Variants in DHX36 observed in about 807,000 individuals in gnomAD.
DHX36 encodes DEAH-box helicase 36, also known as ATP-dependent DNA/RNA helicase DHX36.
In DHX36, 50 loss-of-function variants were observed where a neutral mutation model predicts 139.0. The ratio of observed to expected loss-of-function variants is 0.36; its 90% CI spans 0.29 to 0.46. DHX36 has a LOEUF of 0.46. Among genes scored for constraint, DHX36 ranks in the 20% least tolerant of loss-of-function variants. DHX36 has a pLI of 1.00. For synonymous variants in DHX36, 425 were observed against 401.9 expected, an observed-to-expected ratio of 1.06 and a Z score of -0.69; for missense variants, 1,024 against 1,211.3, an observed-to-expected ratio of 0.85 and a Z score of 2.29.
At chr3:154,310,832 T>TATATGTATATAC (rs1553759645) in intron 4 of DHX36, among the ~76,000 whole-genome samples, 3 of 53,190 alleles carry the variant, frequency 5.6e-5, no homozygotes, top group African/African-American at 2.1e-4. Flanking sequence ...TATATATATA[T>TATATGTATATAC]ATATATATAT....
At chr3:154,300,570 TG>T (rs754870074) in intron 11 of DHX36, 23 bp downstream of exon 11, 35 of 1,572,620 alleles carry the variant, frequency 2.2e-5, no homozygotes, top group African/African-American at 5.4e-5. Context: ...TTATGTTAAC[TG>T]AAGAAAGAAA....
intron 17 of DHX36, among the ~76,000 whole-genome samples, chr3:154,286,172 A>AC (rs1202067897): frequency 1.7e-5 from 2 of 116,690 alleles, no homozygotes; most frequent in Non-Finnish European, 3.7e-5. Flanking sequence ...ACACCAAAAA[A>AC]AAAAAAAAAA....
At chr3:154,282,809 C>T (rs529540933) in intron 20 of DHX36, among the ~76,000 whole-genome samples, 2 of 152,254 alleles carry the variant, frequency 1.3e-5, no homozygotes, top group East Asian at 3.9e-4. Flanking sequence ...TTCTGTTTTA[C>T]AAATGCTTGC....
At chr3:154,299,360 A>T (rs1222504343) in intron 12 of DHX36, among the ~76,000 whole-genome samples, 2 of 145,556 alleles carry the variant, frequency 1.4e-5, no homozygotes, top group African/African-American at 4.9e-5. Flanking sequence ...TGCTGAAAAT[A>T]CTCTAAATTT....
chr3:154,285,807 A>AT (rs538580296), intron 17 of DHX36, among the ~76,000 whole-genome samples: 3,172 of 147,294 alleles, frequency 0.022, 102 homozygotes, highest in African/African-American at 0.073. Flanking sequence ...AATACACTTA[A>AT]TTTTTTTTTT....
At chr3:154,293,548 C>A (rs1711909262) in intron 14 of DHX36, among the ~76,000 whole-genome samples, 200 bp downstream of exon 14, 1 of 152,122 alleles carries the variant, frequency 6.6e-6, no homozygotes, top group African/African-American at 2.4e-5. Flanking sequence ...TGCCACTGCA[C>A]TGCAGCATGG....
At position 154,315,259 on chromosome 3, in the gene DHX36, A is replaced by G. The variant is rs1446656607; in HGVS notation, c.390T>C (p.Thr130=). 1.9e-6 allele frequency: 3 copies of G among 1,612,318 alleles called. No individual in the cohort carries two copies. The highest frequency in any genetic ancestry group is 1.3e-5 in the African/African-American group (1 of 74,694). The change falls in exon 3 of 25, where the codon ACT becomes ACC. Residue 130 remains threonine, a synonymous_variant. Transcript: ENST00000496811. The stretch of plus-strand genomic sequence containing the variant: ...TGTTCTCTGAGCATGGTGTGTTCTT[A>G]GTAGAAACTTCAGTACCGTATCTGT... ...EDHGYGTEVS[T]KNTPCSENKL... is the part of the protein sequence containing the mutation.
rs35550732 is a variant in DHX36 at position 154,275,978 on chromosome 3, G to GTATA, written c.*189_*192dup. 1,834 of 311,296 alleles carry GTATA rather than the reference G, an allele frequency of 5.9e-3. 34 individuals carry two copies. The highest frequency in any genetic ancestry group is 0.037 in the African/African-American group (1,621 of 44,270). 19.3% of individuals were successfully genotyped at this position (311,296 alleles called of 1,614,324 possible). On this transcript the variant is annotated 3_prime_UTR_variant, in exon 25 of 25. Transcript: ENST00000496811. ...GATCAGAGAACATATTGCTTTTATG[G>GTATA]TATATATATATATATATATATATCT...
chr3:154,311,886 T>C (rs987485050), intron 3 of DHX36: 24 of 426,204 alleles, frequency 5.6e-5, no homozygotes, highest in Middle Eastern at 1.2e-3. Context: ...TCCAGCAAAA[T>C]AGAGACAATG....
chr3:154,284,461 A>C, intron 19 of DHX36, 122 bp downstream of exon 19: 1 of 807,672 alleles, frequency 1.2e-6, no homozygotes, highest in South Asian at 1.9e-5. Flanking sequence ...GATTACAGGC[A>C]TGAGCCACCG....
At chr3:154,302,921 A>G (rs1365781029) in intron 9 of DHX36, among the ~76,000 whole-genome samples, 1 of 152,150 alleles carries the variant, frequency 6.6e-6, no homozygotes, top group African/African-American at 2.4e-5. Flanking sequence ...TACTAAAAAT[A>G]CAAAAATTAG....
At chr3:154,292,427 G>T in intron 15 of DHX36, 124 bp downstream of exon 15, 2 of 1,317,792 alleles carry the variant, frequency 1.5e-6, no homozygotes, top group Non-Finnish European at 2.1e-6. Context: ...AAAATGTTTT[G>T]CAATAAGCTC....
chr3:154,315,015 G>T, intron 3 of DHX36, 31 bp downstream of exon 3: 2 of 1,482,174 alleles, frequency 1.3e-6, no homozygotes, highest in South Asian at 2.4e-5. Context: ...AGAAAAAAAT[G>T]ACAAAATATT....
rs935006832 is a variant in DHX36 at position 154,324,357 on chromosome 3, C to A, written c.60G>T (p.Gly20=). ...GRDGGPRSSG[G]GYGGGPAGGH... is the part of the protein sequence containing the mutation. The stretch of plus-strand genomic sequence containing the variant: ...CCCCTGCTGGCCCCCCTCCATAGCC[C>A]CCACCGGAGCTGCGGGGACCCCCAT... Residue 20 remains glycine, a synonymous_variant, in exon 1 of 25, where the codon GGG becomes GGT. Coordinates refer to ENST00000496811, the MANE Select transcript of DHX36 (RefSeq NM_020865.3). The A allele has an allele frequency of 1.9e-6, 3 of 1,598,538 alleles. No individual in the cohort carries two copies. The highest frequency in any genetic ancestry group is 2.6e-6 in the Non-Finnish European group (3 of 1,171,012).
At chr3:154,308,826 T>C (rs1337652375) in intron 5 of DHX36, among the ~76,000 whole-genome samples, 1 of 152,126 alleles carries the variant, frequency 6.6e-6, no homozygotes, top group Non-Finnish European at 1.5e-5. Context: ...ATTTTGGACT[T>C]GACAAACCAG....
At chr3:154,317,028 A>G (rs1236515260) in intron 1 of DHX36, among the ~76,000 whole-genome samples, 1 of 152,086 alleles carries the variant, frequency 6.6e-6, no homozygotes, top group Non-Finnish European at 1.5e-5. Context: ...AGGTAAAAGT[A>G]TAAATGGAAA....
chr3:154,296,206 G>T (rs1310013325), intron 12 of DHX36, among the ~76,000 whole-genome samples: 1 of 152,192 alleles, frequency 6.6e-6, no homozygotes, highest in Non-Finnish European at 1.5e-5. Flanking sequence ...CAGGCGCGGT[G>T]GCTCATGCCT....
At chr3:154,279,469 A>G (rs1719263457) in intron 22 of DHX36, 2 of 152,214 alleles carry the variant, frequency 1.3e-5, no homozygotes. Context: ...AGGTACACAC[A>G]TACAAAAAAA....
chr3:154,303,019 G>A (rs1576872431), intron 9 of DHX36, among the ~76,000 whole-genome samples: 2 of 152,170 alleles, frequency 1.3e-5, no homozygotes, highest in Non-Finnish European at 2.9e-5. Context: ...GGAGGTTGCC[G>A]TGAGCGGAGA....
Sources: gnomAD v4.1 joint callset for allele counts (sites outside exome capture counted in the v4.1 genomes callset) on GRCh38, gnomAD v4.1.1 for gene constraint, MANE v1.5 for transcripts, NCBI Gene and HGNC (gene_info 2026-07-23, HGNC 2026-07-21) for gene names.